Variants in CSMD3 observed in about 807,000 individuals in gnomAD.
CSMD3 encodes CUB and sushi domain-containing protein 3.
CSMD3 carries 177 observed loss-of-function variants against 435.2 expected under a neutral mutation model. The observed-to-expected ratio is 0.41, with a 90% CI of 0.36 to 0.46. CSMD3 has a LOEUF of 0.46. Among genes scored for constraint, CSMD3 ranks in the 20% least tolerant of loss-of-function variants. CSMD3 has a pLI of 0.34. For missense variants in CSMD3, 4,265 were observed against 4,504.6 expected, an observed-to-expected ratio of 0.95 and a Z score of 1.52; for synonymous variants, 1,656 against 1,520.5, an observed-to-expected ratio of 1.09 and a Z score of -2.07.
intron 11 of CSMD3, among the ~76,000 whole-genome samples, chr8:112,855,216 A>C (rs1001292086): frequency 6.6e-6 from 1 of 152,176 alleles, no homozygotes; most frequent in Non-Finnish European, 1.5e-5. Context: ...TATCGGCTAG[A>C]CCAATATCCT....
At chr8:112,250,320 T>A (rs1468071431) in intron 63 of CSMD3, among the ~76,000 whole-genome samples, 1 of 151,872 alleles carries the variant, frequency 6.6e-6, no homozygotes, top group Non-Finnish European at 1.5e-5. Context: ...TTAATATTTT[T>A]CTGTGTATCA....
At chr8:113,024,414 A>C (rs1180558940) in intron 5 of CSMD3, among the ~76,000 whole-genome samples, 1 of 152,022 alleles carries the variant, frequency 6.6e-6, no homozygotes, top group Non-Finnish European at 1.5e-5. Flanking sequence ...AAGCAATAAA[A>C]ATAGGAGTTC....
At position 112,775,705 on chromosome 8, in the gene CSMD3, T is replaced by C. The variant is rs190125989; in HGVS notation, c.1972+24457A>G. Reference sequence around the variant, plus strand: ...CTAAAAATAAAAGTGAGTCTCACTGTCATGGATCTACTTAACCCACTTTGC... The same window carrying C: ...CTAAAAATAAAAGTGAGTCTCACTGCCATGGATCTACTTAACCCACTTTGC... On this transcript the variant is annotated intron_variant, in intron 13 of 70. Coordinates refer to ENST00000297405, the MANE Select transcript of CSMD3 (RefSeq NM_198123.2). Among the ~76,000 whole-genome samples the C allele has an allele frequency of 1.3e-4, 20 of 152,028 alleles. 1 individual carries two copies.
At chr8:112,573,455 T>C in intron 24 of CSMD3, 46 bp downstream of exon 24, 2 of 1,452,330 alleles carry the variant, frequency 1.4e-6, no homozygotes, top group Non-Finnish European at 9.7e-7. Flanking sequence ...TTAATATACA[T>C]GCAGCACCCC....
At chr8:113,206,882 A>ATT (rs2092776835) in intron 3 of CSMD3, among the ~76,000 whole-genome samples, 1 of 152,176 alleles carries the variant, frequency 6.6e-6, no homozygotes, top group Non-Finnish European at 1.5e-5. Context: ...TTGTACAAAT[A>ATT]TTCTTACATA....
At chr8:112,383,443 T>A (rs1829653818) in intron 37 of CSMD3, 124 bp downstream of exon 37, 1 of 660,802 alleles carries the variant, frequency 1.5e-6, no homozygotes, top group Non-Finnish European at 2.7e-6. Flanking sequence ...AGTCCTTGTA[T>A]CTTTGTGTAT....
chr8:113,357,912 T>A (rs1430782150), intron 1 of CSMD3, among the ~76,000 whole-genome samples: 1 of 152,190 alleles, frequency 6.6e-6, no homozygotes, highest in Non-Finnish European at 1.5e-5. Context: ...CAGCCTTGCT[T>A]CCTGCACAGC....
At chr8:112,805,872 T>A (rs1399046760) in intron 12 of CSMD3, among the ~76,000 whole-genome samples, 1 of 152,162 alleles carries the variant, frequency 6.6e-6, no homozygotes, top group Non-Finnish European at 1.5e-5. Flanking sequence ...TTTGTCCCAG[T>A]GGGGGATCTG....
At chr8:112,494,942 G>A (rs914098978) in intron 30 of CSMD3, among the ~76,000 whole-genome samples, 5 of 151,878 alleles carry the variant, frequency 3.3e-5, no homozygotes, top group African/African-American at 1.2e-4. Context: ...ACACACACAT[G>A]GATACACTTA....
chr8:112,648,261 C>G (rs4876479), intron 19 of CSMD3, among the ~76,000 whole-genome samples: 3,558 of 152,244 alleles, frequency 0.023, 94 homozygotes, highest in South Asian at 0.12. Context: ...TAGTTGAGTT[C>G]AGTTCGAGTC....
intron 7 of CSMD3, among the ~76,000 whole-genome samples, chr8:112,961,407 T>C (rs1203576313): frequency 2.0e-5 from 3 of 151,900 alleles, no homozygotes; most frequent in African/African-American, 4.8e-5. Flanking sequence ...ATCATATTGA[T>C]TATATGAATA....
intron 4 of CSMD3, among the ~76,000 whole-genome samples, chr8:113,151,945 A>G (rs2131788009): frequency 6.6e-6 from 1 of 152,126 alleles, no homozygotes; most frequent in East Asian, 1.9e-4. Context: ...GAAATAGTCA[A>G]ATCTAAAATG....
intron 32 of CSMD3, among the ~76,000 whole-genome samples, chr8:112,423,737 G>C (rs1812760800): frequency 6.6e-6 from 1 of 152,104 alleles, no homozygotes; most frequent in South Asian, 2.1e-4. Flanking sequence ...CTGAAAGAAA[G>C]TTGAGACTTT....
chr8:113,226,188 T>C (rs1463188245), intron 3 of CSMD3, among the ~76,000 whole-genome samples: 5 of 151,490 alleles, frequency 3.3e-5, no homozygotes, highest in African/African-American at 9.7e-5. Flanking sequence ...ACTAATACAG[T>C]GTTATAATGT....
intron 3 of CSMD3, among the ~76,000 whole-genome samples, chr8:113,254,386 A>C (rs1428863625): frequency 1.3e-5 from 2 of 152,208 alleles, no homozygotes; most frequent in Admixed American, 1.3e-4. Flanking sequence ...CGTGTTCAGC[A>C]TGGAGGCTCC....
At chr8:112,379,085 G>A (rs1033518949) in intron 38 of CSMD3, among the ~76,000 whole-genome samples, 6 of 152,068 alleles carry the variant, frequency 3.9e-5, no homozygotes, top group Non-Finnish European at 8.8e-5. Context: ...AGGAAATTAA[G>A]GAAATAATAC....
intron 22 of CSMD3, among the ~76,000 whole-genome samples, chr8:112,635,833 A>G (rs1193496334): frequency 1.3e-5 from 2 of 152,128 alleles, no homozygotes; most frequent in Non-Finnish European, 2.9e-5. Flanking sequence ...TTCAACCTGC[A>G]GGGCATTTTG....
At chr8:112,938,014 T>A (rs998327934) in intron 9 of CSMD3, among the ~76,000 whole-genome samples, 1 of 152,172 alleles carries the variant, frequency 6.6e-6, no homozygotes, top group Non-Finnish European at 1.5e-5. Flanking sequence ...ATTCTTGCCA[T>A]ACCCAACTAA....
rs557256685 is a variant in CSMD3, at chr8:113,024,562, T to C, written c.918-5383A>G. On this transcript the variant is annotated intron_variant, in intron 5 of 70. Coordinates refer to ENST00000297405, the MANE Select transcript of CSMD3 (RefSeq NM_198123.2). The stretch of plus-strand genomic sequence containing the variant: ...TTTTAATAATGGTTTTACTAATATA[T>C]ATTCTTGTCAACACTGTAGAAGGGT... 2.5e-4 allele frequency among the ~76,000 whole-genome samples: 38 copies of C among 152,250 alleles called. No homozygotes were observed. The South Asian group carries it at 7.9e-3, about 32-fold the overall frequency.
Sources: allele counts gnomAD v4.1 joint callset (sites outside exome capture counted in the v4.1 genomes callset), GRCh38; gene constraint gnomAD v4.1.1; transcripts MANE v1.5; gene names NCBI Gene and HGNC (gene_info 2026-07-23, HGNC 2026-07-21).